The following BACH2 variants were observed in gnomAD, a reference collection of about 807,000 sequenced individuals.
BACH2 encodes BACH transcriptional regulator 2.
BACH2 carries 5 observed loss-of-function variants against 61.8 expected under a neutral mutation model. That is an observed-to-expected ratio of 0.08 (90% CI 0.04 to 0.17). BACH2 has a LOEUF of 0.17. Ranked by LOEUF, BACH2 falls within the 10% of genes least tolerant of loss-of-function variation. The probability of loss-of-function intolerance (pLI) is 1.00; values close to 1 mark genes in which losing one functional copy is unlikely to be tolerated. For missense variants in BACH2, 824 were observed against 1,091.1 expected (o/e 0.76, Z 3.45); for synonymous variants, 446 against 440.1 (o/e 1.01, Z -0.17).
intron 6 of BACH2, among the ~76,000 whole-genome samples, chr6:89,965,643 T>G (rs751645560): frequency 5.3e-5 from 8 of 152,246 alleles, no homozygotes; most frequent in Non-Finnish European, 8.8e-5. Context: ...GAATCCCTCT[T>G]TCACATGACA....
chr6:90,123,578 A>G lies in BACH2; in HGVS notation c.-161-34469T>C, dbSNP rs549930162. Among the ~76,000 whole-genome samples, 950 of 151,588 alleles carry G rather than the reference A, an allele frequency of 6.3e-3. 5 individuals are homozygous for G. Among genetic ancestry groups the G allele is most frequent in the African/African-American group, 0.021 (882 of 41,292 alleles). ...GAGGTCAGGAGATCGAGACCATCCC[A>G]GCTAAAACGGTGAAACCCCGTCTCT... is the stretch of plus-strand genomic sequence containing the variant. On this transcript the variant is annotated intron_variant, in intron 4 of 8. Coordinates refer to ENST00000257749, the MANE Select transcript of BACH2 (RefSeq NM_021813.4).
At chr6:90,250,920 A>G (rs1217925160) in intron 3 of BACH2, among the ~76,000 whole-genome samples, 1 of 152,182 alleles carries the variant, frequency 6.6e-6, no homozygotes, top group African/African-American at 2.4e-5. Flanking sequence ...GCAGGAAGGC[A>G]CTATTATTAT....
chr6:89,955,022 CT>C (rs1313265625), intron 6 of BACH2, among the ~76,000 whole-genome samples: 3 of 152,204 alleles, frequency 2.0e-5, no homozygotes, highest in Non-Finnish European at 4.4e-5. Flanking sequence ...GTGTGTGAGG[CT>C]TTGTTTGGTG....
intron 6 of BACH2, among the ~76,000 whole-genome samples, chr6:89,955,755 C>T (rs1483992344): frequency 6.6e-6 from 1 of 152,114 alleles, no homozygotes; most frequent in African/African-American, 2.4e-5. Flanking sequence ...TCATTATACT[C>T]AGAAGGCAAA....
At chr6:90,066,693 G>A (rs1780982678) in intron 5 of BACH2, among the ~76,000 whole-genome samples, 1 of 152,190 alleles carries the variant, frequency 6.6e-6, no homozygotes, top group African/African-American at 2.4e-5. Flanking sequence ...GTATTATTAA[G>A]TCATGTGTTC....
intron 3 of BACH2, among the ~76,000 whole-genome samples, chr6:90,227,414 G>A (rs1011505201): frequency 5.3e-5 from 8 of 152,150 alleles, no homozygotes; most frequent in South Asian, 2.1e-4. Flanking sequence ...AGGCTAAAAC[G>A]TCATGGGAAA....
chr6:89,965,624 A>T (rs1775008588), intron 6 of BACH2, among the ~76,000 whole-genome samples: 1 of 152,248 alleles, frequency 6.6e-6, no homozygotes, highest in South Asian at 2.1e-4. Context: ...CCACTTGGGC[A>T]AGCAATTTGA....
At chr6:90,218,506 CTT>C (rs34080254) in intron 3 of BACH2, among the ~76,000 whole-genome samples, 47 of 142,816 alleles carry the variant, frequency 3.3e-4, no homozygotes, top group East Asian at 4.1e-4. Flanking sequence ...TCTTTTCTTT[CTT>C]TTTTTTTTTT....
chr6:90,200,652 A>G (rs562538922), intron 4 of BACH2, among the ~76,000 whole-genome samples: 1 of 152,356 alleles, frequency 6.6e-6, no homozygotes, highest in African/African-American at 2.4e-5. Flanking sequence ...TGTTAATGAA[A>G]TACACAAATA....
At chr6:90,015,660 T>G (rs962483364) in intron 5 of BACH2, among the ~76,000 whole-genome samples, 5 of 152,228 alleles carry the variant, frequency 3.3e-5, no homozygotes, top group African/African-American at 1.2e-4. Context: ...TCCTTTTAAA[T>G]TTATGGAGAC....
At chr6:89,990,086 T>C (rs1254805266) in intron 6 of BACH2, among the ~76,000 whole-genome samples, 1 of 152,152 alleles carries the variant, frequency 6.6e-6, no homozygotes, top group Non-Finnish European at 1.5e-5. Flanking sequence ...TGCCACCTCA[T>C]ATGTCACTGT....
At chr6:90,212,388 G>A (rs1167338309) in intron 3 of BACH2, among the ~76,000 whole-genome samples, 1 of 152,122 alleles carries the variant, frequency 6.6e-6, no homozygotes. Context: ...GGAACAGAGT[G>A]GAGCTTGCCA....
intron 2 of BACH2, among the ~76,000 whole-genome samples, chr6:90,262,772 C>G (rs558180217): frequency 1.1e-4 from 16 of 152,310 alleles, no homozygotes; most frequent in Non-Finnish European, 2.2e-4. Context: ...CTACGTAAGA[C>G]AGCCACAAAG....
At chr6:90,109,003 A>G (rs1271124364) in intron 4 of BACH2, among the ~76,000 whole-genome samples, 4 of 152,124 alleles carry the variant, frequency 2.6e-5, no homozygotes, top group East Asian at 3.9e-4. Context: ...TCTCTCCTGG[A>G]CCATTTCCAC....
chr6:90,143,639 C>T (rs1784531988), intron 4 of BACH2, among the ~76,000 whole-genome samples: 1 of 152,138 alleles, frequency 6.6e-6, no homozygotes, highest in Admixed American at 6.6e-5. Flanking sequence ...ACCTCCACAT[C>T]CTCCACTTTT....
chr6:90,141,643 GTATA>G (rs987067182), intron 4 of BACH2, among the ~76,000 whole-genome samples: 4 of 152,042 alleles, frequency 2.6e-5, no homozygotes, highest in Admixed American at 2.0e-4. Context: ...GCTAACTTGA[GTATA>G]TAAACTCTGA....
Position 89,951,254 on chromosome 6 carries a change from A to G in BACH2, c.852T>C (p.Asn284=), listed in dbSNP as rs144846720. Residue 284 remains asparagine, a synonymous_variant, in exon 7 of 9, where the codon AAT becomes AAC. Coordinates refer to ENST00000257749, the MANE Select transcript of BACH2 (RefSeq NM_021813.4). The surrounding 1 kb of genome is among the most constrained non-coding windows in gnomAD (Gnocchi z 6.4). ...GGCAGAGCGTGATGCTCTCTTCCTC[A>G]TTCTCTTCACTGGGCGGCTCACTTT... ...QIKSEPPSEE[N]EEESITLCLS... The G allele has an allele frequency of 4.0e-5, 64 of 1,614,088 alleles. No homozygotes were observed. The East Asian group carries it at 1.4e-3, about 36-fold the overall frequency.
intron 5 of BACH2, among the ~76,000 whole-genome samples, chr6:90,029,013 C>T (rs767812563): frequency 1.3e-5 from 2 of 152,190 alleles, no homozygotes; most frequent in Non-Finnish European, 2.9e-5. Context: ...TCCAACCATG[C>T]CAATTTTCCC....
At chr6:90,148,715 C>T (rs913795246) in intron 4 of BACH2, among the ~76,000 whole-genome samples, 1 of 152,338 alleles carries the variant, frequency 6.6e-6, no homozygotes, top group Non-Finnish European at 1.5e-5. Flanking sequence ...CATACACGCA[C>T]ACCTACAGTC....
Sources: allele counts gnomAD v4.1 joint callset (sites outside exome capture counted in the v4.1 genomes callset), GRCh38; gene constraint gnomAD v4.1.1; non-coding constraint Gnocchi (gnomAD v3.1); transcripts MANE v1.5; gene names NCBI Gene and HGNC (gene_info 2026-07-23, HGNC 2026-07-21).